The following TMEM135 variants were observed in gnomAD, a reference collection of about 807,000 sequenced individuals.
The protein encoded by TMEM135 is transmembrane protein 135.
In TMEM135, 30 loss-of-function variants were observed where a neutral mutation model predicts 60.3. That is an observed-to-expected ratio of 0.50 (90% CI 0.37 to 0.68). The LOEUF (loss-of-function observed/expected upper bound fraction) is 0.68, where lower values mean the gene tolerates loss of function less well. TMEM135 is among the 30% of genes least tolerant of loss of function. The probability of loss-of-function intolerance (pLI) is 0.00; values close to 1 mark genes in which losing one functional copy is unlikely to be tolerated. For missense variants in TMEM135, 468 were observed against 548.8 expected (o/e 0.85, Z 1.47); for synonymous variants, 190 against 186.7 (o/e 1.02, Z -0.14).
In TMEM135 at chr11:87,268,440, G is replaced by C. The variant is rs376630827; in HGVS notation, c.510-27342G>C. ...CCCTGCTCCTTTCTAAAGATGGTCT[G>C]AATATGAATATTTACATGTCTTACT... On this transcript the variant is annotated intron_variant, in intron 6 of 14. Coordinates refer to ENST00000305494, the MANE Select transcript of TMEM135 (RefSeq NM_022918.4). 6.6e-5 allele frequency among the ~76,000 whole-genome samples: 10 copies of C among 151,892 alleles called. No homozygotes were observed. In the South Asian group the frequency reaches 2.1e-3, roughly 32 times the overall value.
At position 87,325,743 on chromosome 11, in the gene TMEM135, G is replaced by A. The variant is rs1942903020; in HGVS notation, c.*4410G>A. The A allele has an allele frequency of 4.4e-6, 2 of 453,846 alleles. No individual in the cohort carries two copies. The highest frequency in any genetic ancestry group is 8.8e-6 in the Non-Finnish European group (2 of 226,748). 28.1% of individuals were successfully genotyped at this position (453,846 alleles called of 1,614,324 possible). ...CTCTGTTTTTCTTAGGCAGGATGATGTAGAAGATAATTGCACAGATATGGA... is the reference window on the plus strand; with the variant it reads ...CTCTGTTTTTCTTAGGCAGGATGATATAGAAGATAATTGCACAGATATGGA... On this transcript the variant is annotated 3_prime_UTR_variant, in exon 15 of 15. Coordinates refer to ENST00000305494, the MANE Select transcript of TMEM135 (RefSeq NM_022918.4).
chr11:87,218,919 G>GC (rs1323096921), intron 5 of TMEM135, among the ~76,000 whole-genome samples: 2 of 152,096 alleles, frequency 1.3e-5, no homozygotes, highest in Non-Finnish European at 2.9e-5. Flanking sequence ...CTCTGATCAC[G>GC]CCACTGCACT....
At chr11:87,089,351 T>G (rs1336101359) in intron 3 of TMEM135, among the ~76,000 whole-genome samples, 1 of 152,128 alleles carries the variant, frequency 6.6e-6, no homozygotes, top group Non-Finnish European at 1.5e-5. Context: ...TTGGACAGCA[T>G]AGCGAGACTG....
chr11:87,070,034 A>G (rs1231705980), intron 2 of TMEM135, among the ~76,000 whole-genome samples: 2 of 151,622 alleles, frequency 1.3e-5, no homozygotes, highest in African/African-American at 2.4e-5. Context: ...TTAACCAGGC[A>G]TGGTAGTGTG....
At chr11:87,218,360 T>C (rs2135350845) in intron 5 of TMEM135, among the ~76,000 whole-genome samples, 1 of 152,290 alleles carries the variant, frequency 6.6e-6, no homozygotes, top group African/African-American at 2.4e-5. Flanking sequence ...AAACACTTAC[T>C]TTGAACAGAT....
intron 1 of TMEM135, among the ~76,000 whole-genome samples, chr11:87,039,690 T>C (rs1317751406): frequency 6.6e-6 from 1 of 152,206 alleles, no homozygotes; most frequent in Non-Finnish European, 1.5e-5. Context: ...CTACAAACAT[T>C]ATTGAGCTCT....
chr11:87,168,980 G>C (rs898162501), intron 5 of TMEM135, among the ~76,000 whole-genome samples: 1 of 151,986 alleles, frequency 6.6e-6, no homozygotes, highest in African/African-American at 2.4e-5. Flanking sequence ...GAATCTGGGT[G>C]CTCCTGTATT....
At chr11:87,292,676 G>T (rs12288478) in intron 6 of TMEM135, among the ~76,000 whole-genome samples, 95,798 of 151,986 alleles carry the variant, frequency 0.63, 30,478 homozygotes, top group Non-Finnish European at 0.67. Flanking sequence ...GAATAATTAC[G>T]TTTTTGTTCT....
chr11:87,327,173 G>A lies in TMEM135; in HGVS notation c.*5840G>A, dbSNP rs1168050133. The A allele has an allele frequency of 2.2e-6, 1 of 453,890 alleles. No individual in the cohort carries two copies. Among genetic ancestry groups the A allele is most frequent in the Non-Finnish European group, 4.4e-6 (1 of 226,772 alleles). The allele number at this position is 453,890 out of a possible 1,614,324, so 28.1% of individuals were successfully genotyped here. The stretch of plus-strand genomic sequence containing the variant: ...GAGGTGTTCATGTGACCCTGTTTTG[G>A]CCAATAAAATGTAATGGAAAATCTG... On this transcript the variant is annotated 3_prime_UTR_variant, in exon 15 of 15. Transcript: ENST00000305494.
intron 5 of TMEM135, among the ~76,000 whole-genome samples, chr11:87,223,838 A>T (rs1171146265): frequency 7.1e-6 from 1 of 140,274 alleles, no homozygotes; most frequent in African/African-American, 2.5e-5. Context: ...TAAGAGAGCA[A>T]GACTGTCTAA....
chr11:87,069,947 G>A lies in TMEM135; in HGVS notation c.270-1576G>A, dbSNP rs1466301252. ...AGCACTTTGGGAGGCCAAGATGGGA[G>A]GATTGCTTGAGGCTGTCAGTTCGAG... is the stretch of plus-strand genomic sequence containing the variant. On this transcript the variant is annotated intron_variant, in intron 2 of 14. Coordinates refer to ENST00000305494, the MANE Select transcript of TMEM135 (RefSeq NM_022918.4). Among the ~76,000 whole-genome samples the A allele has an allele frequency of 3.9e-5, 6 of 151,950 alleles. No individual in the cohort carries two copies. The East Asian group carries it at 1.2e-3, about 29-fold the overall frequency.
rs189930021 is a variant in TMEM135, at chr11:87,258,145, T to C, written c.509+21461T>C. ...ATTATATATTGATATTGATTATATT[T>C]TACACAATAATTATTTTACTGTATT... is the stretch of plus-strand genomic sequence containing the variant. On this transcript the variant is annotated intron_variant, in intron 6 of 14. Coordinates refer to ENST00000305494, the MANE Select transcript of TMEM135 (RefSeq NM_022918.4). Among the ~76,000 whole-genome samples the C allele has an allele frequency of 1.0e-3, 158 of 152,084 alleles. 1 individual carries two copies. Among genetic ancestry groups the C allele is most frequent in the African/African-American group, 3.6e-3 (150 of 41,528 alleles).
chr11:87,147,095 G>C (rs2135253578), intron 4 of TMEM135, among the ~76,000 whole-genome samples: 1 of 152,192 alleles, frequency 6.6e-6, no homozygotes, highest in South Asian at 2.1e-4. Context: ...GCCGAGACAG[G>C]GGGATCACCT....
In TMEM135 at chr11:87,110,457, AT is replaced by A. The variant is rs201041108; in HGVS notation, c.396+19065del. On this transcript the variant is annotated intron_variant, in intron 4 of 14. Coordinates refer to ENST00000305494, the MANE Select transcript of TMEM135 (RefSeq NM_022918.4). ...GCACAGAGTGAGAACCTGTCTTTGA[AT>A]TTAAAAAAAAAAAAAATTGAATCCT... Among the ~76,000 whole-genome samples the A allele has an allele frequency of 2.7e-3, 389 of 145,340 alleles. 1 individual carries two copies. The highest frequency in any genetic ancestry group is 4.4e-3 in the South Asian group (20 of 4,534).
chr11:87,314,706 G>A (rs1262180882), intron 12 of TMEM135, among the ~76,000 whole-genome samples, 159 bp downstream of exon 12: 1 of 151,708 alleles, frequency 6.6e-6, no homozygotes, highest in Non-Finnish European at 1.5e-5. Context: ...TTGTGTGTGT[G>A]TTATTTTCAA....
chr11:87,127,188 A>C (rs992675139), intron 4 of TMEM135, among the ~76,000 whole-genome samples: 1 of 152,220 alleles, frequency 6.6e-6, no homozygotes, highest in African/African-American at 2.4e-5. Flanking sequence ...TAGGTTGTTA[A>C]ACATTTCACT....
chr11:87,122,309 GTTTTTTTTT>G (rs11367827), intron 4 of TMEM135, among the ~76,000 whole-genome samples: 1 of 110,360 alleles, frequency 9.1e-6, no homozygotes. Flanking sequence ...GTTTTGCTAG[GTTTTTTTTT>G]TTTTTTTTTT....
intron 6 of TMEM135, among the ~76,000 whole-genome samples, chr11:87,293,826 G>A (rs541453805): frequency 6.6e-6 from 1 of 152,288 alleles, no homozygotes; most frequent in East Asian, 1.9e-4. Context: ...AACATAACGT[G>A]TGCATGTATC....
chr11:87,127,273 A>G (rs1937760806), intron 4 of TMEM135, among the ~76,000 whole-genome samples: 2 of 152,218 alleles, frequency 1.3e-5, no homozygotes, highest in African/African-American at 4.8e-5. Context: ...TCAGATTCCT[A>G]AACGTCTTAC....
Sources: allele counts gnomAD v4.1 joint callset (sites outside exome capture counted in the v4.1 genomes callset), GRCh38; gene constraint gnomAD v4.1.1; transcripts MANE v1.5; gene names NCBI Gene and HGNC (gene_info 2026-07-23, HGNC 2026-07-21).